TPGS1: variants seen among roughly 807,000 people sequenced by gnomAD.
The protein encoded by TPGS1 is gene trap ROSA b-geo 22.
In TPGS1, 18 loss-of-function variants were observed where a neutral mutation model predicts 11.9. The observed-to-expected ratio is 1.51, with a 90% CI of 1.04 to 2.24. The LOEUF is 2.24. Among genes scored for constraint, TPGS1 ranks in the 30% most tolerant of loss-of-function variants. TPGS1 has a pLI of 0.00. For missense variants in TPGS1, 500 were observed against 443.0 expected (o/e 1.13, Z -1.16); for synonymous variants, 247 against 218.2 (o/e 1.13, Z -1.16).
rs566551161 is a variant in TPGS1 at position 516,592 on chromosome 19, C to T, written c.339-2297C>T. Reference sequence around the variant, plus strand: ...TAGAGATGGGGTTTCACCATGTTGGCCAGGATGGCCTCAATCTCTTGACCT... The same window carrying T: ...TAGAGATGGGGTTTCACCATGTTGGTCAGGATGGCCTCAATCTCTTGACCT... On this transcript the variant is annotated intron_variant, in intron 1 of 1. Coordinates refer to ENST00000359315, the MANE Select transcript of TPGS1 (RefSeq NM_033513.3). Among the ~76,000 whole-genome samples, 18 of 152,300 alleles carry T rather than the reference C, an allele frequency of 1.2e-4. No individual in the cohort carries two copies. In the South Asian group the frequency reaches 3.3e-3, roughly 28 times the overall value.
chr19:515,957 G>A (rs1469750407), intron 1 of TPGS1, among the ~76,000 whole-genome samples: 5 of 151,630 alleles, frequency 3.3e-5, no homozygotes, highest in African/African-American at 9.7e-5. Context: ...GCGTGAACCC[G>A]GGAGGCGGAG....
Position 519,284 on chromosome 19 carries a change from C to A in TPGS1, c.734C>A (p.Ser245Ter). 8.4e-7 allele frequency: 1 copy of A among 1,192,484 alleles called. No individual in the cohort carries two copies. Among genetic ancestry groups the A allele is most frequent in the Non-Finnish European group, 1.0e-6 (1 of 964,118 alleles). The allele number at this position is 1,192,484 out of a possible 1,614,324, so 73.9% of individuals were successfully genotyped here. A position where few individuals can be genotyped will look rare whatever the true frequency, so the allele number is the denominator to read the frequency against. The part of the protein sequence containing the change: ...AAPARFLEAG[S>*]RLGPDSLALA... ...CCCGCGCGCTTCCTGGAGGCCGGCT[C>A]GCGCTTGGGGCCCGACAGCCTGGCG... Residue 245 changes from serine to a stop codon, truncating the protein, a stop_gained, in exon 2 of 2, where the codon TCG (serine) becomes TAG (stop). Coordinates refer to ENST00000359315, the MANE Select transcript of TPGS1 (RefSeq NM_033513.3). LOFTEE classifies it high-confidence loss of function.
At chr19:514,186 A>G (rs1005523714) in intron 1 of TPGS1, among the ~76,000 whole-genome samples, 4 of 151,324 alleles carry the variant, frequency 2.6e-5, no homozygotes, top group African/African-American at 9.7e-5. Flanking sequence ...CTGAGCACCT[A>G]TTGCATGCTG....
chr19:518,743 G>C lies in TPGS1; in HGVS notation c.339-146G>C, dbSNP rs1979047765. On this transcript the variant is annotated intron_variant, in intron 1 of 1. Transcript: ENST00000359315. ...GGGATAGAGGGTGAGGAGGAGGGGA[G>C]GCCGGGGATGGGGGGTAGGAGGAGA... 5.9e-6 allele frequency: 5 copies of C among 851,756 alleles called. No individual in the cohort carries two copies. The East Asian group carries it at 1.7e-4, about 28-fold the overall frequency. The allele number at this position is 851,756 out of a possible 1,614,324, so 52.8% of individuals were successfully genotyped here. A position where few individuals can be genotyped will look rare whatever the true frequency, so the allele number is the denominator to read the frequency against.
In TPGS1 at chr19:519,297, C is replaced by A. The variant is rs552616925; in HGVS notation, c.747C>A (p.Pro249=). The A allele has an allele frequency of 1.7e-6, 2 of 1,188,670 alleles. No homozygotes were observed. Among genetic ancestry groups the A allele is most frequent in the Admixed American group, 4.5e-5 (1 of 22,138 alleles). 73.6% of individuals were successfully genotyped at this position (1,188,670 alleles called of 1,614,324 possible). A position where few individuals can be genotyped will look rare whatever the true frequency, so the allele number is the denominator to read the frequency against. ...TGGAGGCCGGCTCGCGCTTGGGGCC[C>A]GACAGCCTGGCGCTGGCGCTGGACC... The part of the protein sequence containing the change: ...RFLEAGSRLG[P]DSLALALDRA... The change falls in exon 2 of 2, where the codon CCC becomes CCA. Residue 249 remains proline (P), a synonymous_variant. Coordinates refer to ENST00000359315, the MANE Select transcript of TPGS1 (RefSeq NM_033513.3).
intron 1 of TPGS1, chr19:508,273 G>A: frequency 6.4e-6 from 1 of 157,468 alleles, no homozygotes; most frequent in Non-Finnish European, 1.4e-5. Context: ...AGAGAGCAGC[G>A]CAGTCACCCA....
intron 1 of TPGS1, among the ~76,000 whole-genome samples, chr19:513,456 G>A (rs1277639810): frequency 6.6e-6 from 1 of 152,140 alleles, no homozygotes; most frequent in Non-Finnish European, 1.5e-5. Flanking sequence ...TCGCTGAGAT[G>A]GCACGTCCAT....
intron 1 of TPGS1, among the ~76,000 whole-genome samples, chr19:513,154 CT>C (rs1433267131): frequency 6.6e-6 from 1 of 152,228 alleles, no homozygotes; most frequent in East Asian, 1.9e-4. Flanking sequence ...ACAGCAGATC[CT>C]GATGAGAGGG....
At chr19:511,583 G>C (rs1978796747) in intron 1 of TPGS1, among the ~76,000 whole-genome samples, 1 of 152,264 alleles carries the variant, frequency 6.6e-6, no homozygotes, top group Non-Finnish European at 1.5e-5. Context: ...GAAAAGGAGA[G>C]TGCACACAGC....
chr19:512,945 G>A (rs1447622909), intron 1 of TPGS1, among the ~76,000 whole-genome samples: 2 of 152,240 alleles, frequency 1.3e-5, no homozygotes, highest in Admixed American at 6.5e-5. Context: ...AGAGCCGCGC[G>A]GGTTCCCCTG....
intron 1 of TPGS1, among the ~76,000 whole-genome samples, chr19:512,059 C>A (rs989436191): frequency 3.9e-5 from 6 of 152,080 alleles, no homozygotes; most frequent in Non-Finnish European, 7.4e-5. Context: ...TTAGTAGAGA[C>A]GGGGTTTCAC....
chr19:512,927 C>G (rs1054632224), intron 1 of TPGS1, among the ~76,000 whole-genome samples: 1 of 152,240 alleles, frequency 6.6e-6, no homozygotes, highest in South Asian at 2.1e-4. Context: ...CACCTGCAGC[C>G]GCTGCCAAGA....
At position 518,877 on chromosome 19, in the gene TPGS1, C is replaced by G; in HGVS notation, c.339-12C>G. 6.7e-7 allele frequency: 1 copy of G among 1,498,462 alleles called. No individual in the cohort carries two copies. The highest frequency in any genetic ancestry group is 8.8e-7 in the Non-Finnish European group (1 of 1,130,702). 92.8% of individuals were successfully genotyped at this position (1,498,462 alleles called of 1,614,324 possible). ...CGGTCTCTGCCGGCCCCCAACGTCCCCGTCTCCGCAGGGCCGCCTTCAACA... is the reference window on the plus strand; with the variant it reads ...CGGTCTCTGCCGGCCCCCAACGTCCGCGTCTCCGCAGGGCCGCCTTCAACA... On this transcript the variant is annotated splice_polypyrimidine_tract_variant and intron_variant, in intron 1 of 1. Coordinates refer to ENST00000359315, the MANE Select transcript of TPGS1 (RefSeq NM_033513.3).
At chr19:516,049 GAAGA>G (rs891172249) in intron 1 of TPGS1, among the ~76,000 whole-genome samples, 28 of 130,804 alleles carry the variant, frequency 2.1e-4, no homozygotes, top group Admixed American at 3.0e-4. Context: ...AAAAAAAAAG[GAAGA>G]AAGAAAGAAA....
chr19:507,720 G>T lies in TPGS1; in HGVS notation c.214G>T (p.Glu72Ter). The T allele has an allele frequency of 1.4e-6, 2 of 1,401,886 alleles. No individual in the cohort carries two copies. Among genetic ancestry groups the T allele is most frequent in the Non-Finnish European group, 9.3e-7 (1 of 1,073,086 alleles). 86.8% of individuals were successfully genotyped at this position (1,401,886 alleles called of 1,614,324 possible). A position where few individuals can be genotyped will look rare whatever the true frequency, so the allele number is the denominator to read the frequency against. ...EPIAFLAHYF[E>*]NMGLRSPVNG... is the part of the protein sequence containing the mutation. Reference sequence around the variant, plus strand: ...GATCGCCTTCCTGGCTCACTACTTCGAGAACATGGGCCTGCGCTCGCCTGT... The same window carrying T: ...GATCGCCTTCCTGGCTCACTACTTCTAGAACATGGGCCTGCGCTCGCCTGT... The change falls in exon 1 of 2, where the codon GAG becomes TAG. Residue 72 changes from glutamate (E) to a stop codon, truncating the protein, a stop_gained. Coordinates refer to ENST00000359315, the MANE Select transcript of TPGS1 (RefSeq NM_033513.3). LOFTEE classifies it high-confidence loss of function.
chr19:516,046 AAG>A (rs1491060356), intron 1 of TPGS1, among the ~76,000 whole-genome samples: 31 of 131,374 alleles, frequency 2.4e-4, no homozygotes, highest in Middle Eastern at 4.0e-3. Flanking sequence ...AAAAAAAAAA[AAG>A]GAAGAAAGAA....
At chr19:517,854 GC>G (rs1600404666) in intron 1 of TPGS1, among the ~76,000 whole-genome samples, 2 of 117,690 alleles carry the variant, frequency 1.7e-5, no homozygotes, top group Non-Finnish European at 3.6e-5. Context: ...CCCGGGCTGG[GC>G]GGTGCTGGGA....
chr19:509,814 G>C (rs1449774562), intron 1 of TPGS1: 1 of 152,368 alleles, frequency 6.6e-6, no homozygotes, highest in Non-Finnish European at 1.5e-5. Context: ...GACAGGAGTG[G>C]AGCCATTGGC....
At chr19:516,044 A>AG (rs1386681678) in intron 1 of TPGS1, among the ~76,000 whole-genome samples, 3 of 129,632 alleles carry the variant, frequency 2.3e-5, no homozygotes, top group African/African-American at 7.9e-5. Context: ...AAAAAAAAAA[A>AG]AAAGGAAGAA....
Sources: gnomAD v4.1 joint callset for allele counts (sites outside exome capture counted in the v4.1 genomes callset) on GRCh38, gnomAD v4.1.1 for gene constraint, MANE v1.5 for transcripts, NCBI Gene and HGNC (gene_info 2026-07-23, HGNC 2026-07-21) for gene names.